The following FNDC3B variants were observed in gnomAD, a reference collection of about 807,000 sequenced individuals.
FNDC3B encodes fibronectin type III domain-containing protein 3B.
In FNDC3B, 12 loss-of-function variants were observed where a neutral mutation model predicts 151.5. That is an observed-to-expected ratio of 0.08 (90% CI 0.05 to 0.13). The LOEUF (loss-of-function observed/expected upper bound fraction) is 0.13. Ranked by LOEUF, FNDC3B falls within the 10% of genes least tolerant of loss-of-function variation. The pLI is 1.00. For synonymous variants in FNDC3B, 528 were observed against 549.0 expected, an observed-to-expected ratio of 0.96 and a Z score of 0.54; for missense variants, 1,214 against 1,505.3, an observed-to-expected ratio of 0.81 and a Z score of 3.20.
At chr3:172,133,247 T>C (rs1721196637) in intron 2 of FNDC3B, among the ~76,000 whole-genome samples, 1 of 152,236 alleles carries the variant, frequency 6.6e-6, no homozygotes, top group Admixed American at 6.5e-5. Flanking sequence ...GTTTTTAAAG[T>C]TAGATAGCAT....
chr3:172,338,353 T>C (rs1733100463), intron 16 of FNDC3B: 1 of 143,520 alleles, frequency 7.0e-6, no homozygotes, highest in African/African-American at 2.6e-5. Context: ...GCAAAGAGAG[T>C]ATCAGAGGCA....
At chr3:172,396,100 T>A (rs1488262182) in intron 25 of FNDC3B, among the ~76,000 whole-genome samples, 1 of 152,194 alleles carries the variant, frequency 6.6e-6, no homozygotes. Context: ...AACATTCTTA[T>A]TAATAGCATT....
chr3:172,126,102 T>C (rs1157143368), intron 2 of FNDC3B, among the ~76,000 whole-genome samples: 2 of 152,158 alleles, frequency 1.3e-5, no homozygotes, highest in East Asian at 3.9e-4. Context: ...AGTCACTGTA[T>C]ATAAACAAAA....
At chr3:172,122,008 T>TAC (rs1720575372) in intron 2 of FNDC3B, among the ~76,000 whole-genome samples, 1 of 152,196 alleles carries the variant, frequency 6.6e-6, no homozygotes, top group African/African-American at 2.4e-5. Flanking sequence ...TATCTCATAG[T>TAC]ACAGTAAAAG....
At chr3:172,278,626 A>G (rs1017851366) in intron 6 of FNDC3B, among the ~76,000 whole-genome samples, 2 of 152,174 alleles carry the variant, frequency 1.3e-5, no homozygotes, top group African/African-American at 4.8e-5. Flanking sequence ...TGATGTTCTT[A>G]AAAACACTAG....
chr3:172,138,997 A>G (rs1485712622), intron 3 of FNDC3B, among the ~76,000 whole-genome samples: 1 of 152,172 alleles, frequency 6.6e-6, no homozygotes. Flanking sequence ...GTTGATGAAC[A>G]TCATGCTCTG....
chr3:172,266,182 C>T (rs1357389509), intron 6 of FNDC3B, among the ~76,000 whole-genome samples: 2 of 152,186 alleles, frequency 1.3e-5, no homozygotes, highest in East Asian at 3.8e-4. Flanking sequence ...CACTTGAGCT[C>T]AGTTCCTTTG....
At chr3:172,132,881 A>G (rs1721174108) in intron 2 of FNDC3B, among the ~76,000 whole-genome samples, 1 of 152,196 alleles carries the variant, frequency 6.6e-6, no homozygotes, top group South Asian at 2.1e-4. Context: ...TTAAATATTT[A>G]TGTTCATATA....
chr3:172,072,550 A>C (rs1168071413), intron 1 of FNDC3B, among the ~76,000 whole-genome samples: 3 of 152,216 alleles, frequency 2.0e-5, no homozygotes, highest in Admixed American at 2.0e-4. Context: ...AGTCTACCGC[A>C]TCTGGAGGCA....
At chr3:172,316,571 GA>G in intron 11 of FNDC3B, 2 of 381,558 alleles carry the variant, frequency 5.2e-6, no homozygotes, top group South Asian at 1.9e-5. Context: ...TTTTATTTTA[GA>G]AAAAATTAGT....
chr3:172,100,550 A>G (rs973753392), intron 1 of FNDC3B, among the ~76,000 whole-genome samples: 2 of 152,242 alleles, frequency 1.3e-5, no homozygotes, highest in African/African-American at 4.8e-5. Flanking sequence ...ATGACTATAT[A>G]CATACTTTAT....
chr3:172,206,942 G>A (rs185288126), intron 3 of FNDC3B, among the ~76,000 whole-genome samples: 1 of 152,142 alleles, frequency 6.6e-6, no homozygotes, highest in Non-Finnish European at 1.5e-5. Context: ...TCTGCCCCAA[G>A]AATCTTTGTT....
At chr3:172,231,823 T>C (rs955051147) in intron 4 of FNDC3B, among the ~76,000 whole-genome samples, 1 of 151,478 alleles carries the variant, frequency 6.6e-6, no homozygotes, top group Non-Finnish European at 1.5e-5. Context: ...TGCCTACTTA[T>C]GCATCTCCAT....
At chr3:172,365,091 C>CT (rs1734548362) in intron 23 of FNDC3B, among the ~76,000 whole-genome samples, 1 of 152,140 alleles carries the variant, frequency 6.6e-6, no homozygotes. Context: ...GAATTCAAGC[C>CT]TTTAACTTTG....
At chr3:172,356,616 C>T (rs1047752575) in intron 22 of FNDC3B, among the ~76,000 whole-genome samples, 15 of 152,168 alleles carry the variant, frequency 9.9e-5, no homozygotes, top group African/African-American at 3.6e-4. Flanking sequence ...AAGGAGCTTT[C>T]AGGAGCAGGA....
At chr3:172,378,762 A>G (rs1357645443) in intron 24 of FNDC3B, among the ~76,000 whole-genome samples, 1 of 152,174 alleles carries the variant, frequency 6.6e-6, no homozygotes, top group African/African-American at 2.4e-5. Flanking sequence ...CTTTCAGAGA[A>G]GCAGAGGTTG....
chr3:172,294,677 C>G (rs1322840873), intron 7 of FNDC3B, among the ~76,000 whole-genome samples: 1 of 152,200 alleles, frequency 6.6e-6, no homozygotes, highest in African/African-American at 2.4e-5. Context: ...TGTGGCCAGT[C>G]AGAGCTTAGT....
At position 172,247,797 on chromosome 3, in the gene FNDC3B, G is replaced by T. The variant is rs376124255; in HGVS notation, c.508+21G>T. ...GCAAGGTGAGTAGATTTTCGTTGGCGTCAGGAGCCGTTGAAACTGATTACA... is the reference window on the plus strand; with the variant it reads ...GCAAGGTGAGTAGATTTTCGTTGGCTTCAGGAGCCGTTGAAACTGATTACA... On this transcript the variant is annotated intron_variant, in intron 5 of 25. Transcript: ENST00000415807. 2.5e-6 allele frequency: 4 copies of T among 1,613,524 alleles called. No homozygotes were observed. The South Asian group carries it at 4.4e-5, about 18-fold the overall frequency.
intron 11 of FNDC3B, among the ~76,000 whole-genome samples, chr3:172,319,574 C>T (rs971277501): frequency 1.1e-4 from 16 of 152,154 alleles, no homozygotes; most frequent in Non-Finnish European, 5.9e-5. Context: ...CTTTTCTTAC[C>T]TTTGAAACAT....
Sources: allele counts gnomAD v4.1 joint callset (sites outside exome capture counted in the v4.1 genomes callset), GRCh38; gene constraint gnomAD v4.1.1; transcripts MANE v1.5; gene names NCBI Gene and HGNC (gene_info 2026-07-23, HGNC 2026-07-21).